Variants in NECAB1 observed in about 807,000 individuals in gnomAD.
NECAB1 encodes the protein N-terminal EF-hand calcium-binding protein 1.
Under a neutral mutation model 57.5 loss-of-function variants are expected in NECAB1, and 29 were observed. The ratio of observed to expected loss-of-function variants is 0.50; its 90% CI spans 0.38 to 0.69. NECAB1 has a LOEUF of 0.69. Among genes scored for constraint, NECAB1 ranks in the 30% least tolerant of loss-of-function variants. The pLI is 0.00. For missense variants in NECAB1, 372 were observed against 413.8 expected, an observed-to-expected ratio of 0.90 and a Z score of 0.88; for synonymous variants, 142 against 147.7, an observed-to-expected ratio of 0.96 and a Z score of 0.28.
chr8:90,890,293 G>T (rs897669867), intron 5 of NECAB1, among the ~76,000 whole-genome samples: 3 of 152,124 alleles, frequency 2.0e-5, no homozygotes, highest in African/African-American at 7.2e-5. Context: ...GGTTTTATAA[G>T]CATCTGGCAT....
intron 3 of NECAB1, among the ~76,000 whole-genome samples, chr8:90,825,980 A>G (rs1416718692): frequency 2.0e-5 from 3 of 151,856 alleles, no homozygotes; most frequent in Non-Finnish European, 2.9e-5. Flanking sequence ...TAAATGCTGT[A>G]ATTGAGCTAT....
chr8:90,929,337 T>C (rs558406235), intron 8 of NECAB1, among the ~76,000 whole-genome samples: 1 of 152,322 alleles, frequency 6.6e-6, no homozygotes, highest in Admixed American at 6.5e-5. Flanking sequence ...AAAAATTTTA[T>C]TGCAAACAAT....
intron 5 of NECAB1, among the ~76,000 whole-genome samples, chr8:90,889,956 TGTGA>T (rs1202731158): frequency 2.7e-5 from 3 of 110,948 alleles, no homozygotes; most frequent in Admixed American, 1.9e-4. Flanking sequence ...ACTGTGTGTG[TGTGA>T]GTGTGTGTGT....
At chr8:90,811,635 G>A (rs576442984) in intron 2 of NECAB1, among the ~76,000 whole-genome samples, 1 of 152,242 alleles carries the variant, frequency 6.6e-6, no homozygotes, top group African/African-American at 2.4e-5. Flanking sequence ...GTAAAGCTTT[G>A]AGTACAGCTT....
In NECAB1 at chr8:90,901,255, T is replaced by C. The variant is rs374981430; in HGVS notation, c.358-16237T>C. On this transcript the variant is annotated intron_variant, in intron 5 of 12. Transcript: ENST00000417640. The stretch of plus-strand genomic sequence containing the variant: ...TCTGTTAAAAAAAAAAAAAAAATGG[T>C]GTTTATAAATTATGCTGCCTTTTTG... Among the ~76,000 whole-genome samples, 418 of 147,778 alleles carry C rather than the reference T, an allele frequency of 2.8e-3. 5 individuals are homozygous for C. Among genetic ancestry groups the C allele is most frequent in the African/African-American group, 0.01 (398 of 39,436 alleles).
chr8:90,957,678 AAAAAAAGAAAAAGAAAAAG>A lies in NECAB1; in HGVS notation c.*2179_*2197del, dbSNP rs1258812014. The A allele has an allele frequency of 2.0e-5, 3 of 150,666 alleles. No individual in the cohort carries two copies. Among genetic ancestry groups the A allele is most frequent in the Admixed American group, 2.0e-4 (3 of 15,106 alleles). The allele number at this position is 150,666 out of a possible 1,614,324, so 9.3% of individuals were successfully genotyped here. A position where few individuals can be genotyped will look rare whatever the true frequency, so the allele number is the denominator to read the frequency against. On this transcript the variant is annotated 3_prime_UTR_variant, in exon 13 of 13. Coordinates refer to ENST00000417640, the MANE Select transcript of NECAB1 (RefSeq NM_022351.5). ...GAAAAGGAAACTAGTAGGGCCAAAA[AAAAAAAGAAAAAGAAAAAG>A]AAAAAAGAAAAAAAAAGAAAAAACT...
chr8:90,949,777 G>GCTAATTATGC, intron 10 of NECAB1, 30 bp from the exon 11 acceptor site: 1 of 1,338,220 alleles, frequency 7.5e-7, no homozygotes, highest in Non-Finnish European at 1.1e-6. Flanking sequence ...ATTTCCAGTA[G>GCTAATTATGC]CTAATTATGC....
At chr8:90,847,689 T>C (rs531162501) in intron 3 of NECAB1, among the ~76,000 whole-genome samples, 2 of 152,312 alleles carry the variant, frequency 1.3e-5, no homozygotes, top group South Asian at 2.1e-4. Context: ...GTTCTTGACT[T>C]CTCTGCACCC....
At chr8:90,834,364 G>C (rs1812336594) in intron 3 of NECAB1, among the ~76,000 whole-genome samples, 1 of 152,096 alleles carries the variant, frequency 6.6e-6, no homozygotes, top group Admixed American at 6.5e-5. Flanking sequence ...TATCCACAGT[G>C]ATAGTATTAA....
intron 2 of NECAB1, among the ~76,000 whole-genome samples, chr8:90,802,655 G>A (rs80158684): frequency 0.014 from 2,053 of 152,070 alleles, 71 homozygotes; most frequent in East Asian, 0.11. Flanking sequence ...ACCCTTATGC[G>A]GGCAGATCAA....
intron 1 of NECAB1, among the ~76,000 whole-genome samples, chr8:90,793,447 A>G (rs1255671261): frequency 6.6e-6 from 1 of 152,102 alleles, no homozygotes; most frequent in Non-Finnish European, 1.5e-5. Context: ...GTGGTTAAGT[A>G]CCTTATCCTT....
At chr8:90,901,899 TTGTG>T (rs148389383) in intron 5 of NECAB1, among the ~76,000 whole-genome samples, 2 of 149,404 alleles carry the variant, frequency 1.3e-5, no homozygotes, top group African/African-American at 2.4e-5. Context: ...CTCTCTGTAT[TTGTG>T]TGTGTGTGTG....
At chr8:90,877,653 T>C (rs1332449444) in intron 4 of NECAB1, among the ~76,000 whole-genome samples, 3 of 152,212 alleles carry the variant, frequency 2.0e-5, no homozygotes, top group Non-Finnish European at 4.4e-5. Flanking sequence ...AAACTAATGC[T>C]GCTGGTCCAC....
At position 90,958,811 on chromosome 8, in the gene NECAB1, G is replaced by A; in HGVS notation, c.*3299G>A. 1 of 427,522 alleles carries A rather than the reference G, an allele frequency of 2.3e-6. No individual in the cohort carries two copies. The highest frequency in any genetic ancestry group is 4.1e-6 in the Non-Finnish European group (1 of 242,254). The allele number at this position is 427,522 out of a possible 1,614,324, so 26.5% of individuals were successfully genotyped here. On this transcript the variant is annotated 3_prime_UTR_variant, in exon 13 of 13. Coordinates refer to ENST00000417640, the MANE Select transcript of NECAB1 (RefSeq NM_022351.5). ...CAGTGTTACTTCCCAATTTATGCAG[G>A]AAACCTCCTGCAAAGCTGAAACTGA...
intron 3 of NECAB1, 25 bp from the exon 4 acceptor site, chr8:90,872,101 CTG>C (rs1225799753): frequency 4.6e-6 from 7 of 1,526,652 alleles, no homozygotes; most frequent in Admixed American, 4.1e-5. Context: ...AGTAATAACA[CTG>C]TTTTTTTTTG....
chr8:90,925,357 T>A (rs1810238732), intron 6 of NECAB1, among the ~76,000 whole-genome samples, 178 bp from the exon 7 acceptor site: 1 of 152,226 alleles, frequency 6.6e-6, no homozygotes, highest in African/African-American at 2.4e-5. Flanking sequence ...TTTCTTAGGT[T>A]CACATACTGT....
At chr8:90,905,207 T>C (rs368013170) in intron 5 of NECAB1, among the ~76,000 whole-genome samples, 9 of 152,130 alleles carry the variant, frequency 5.9e-5, no homozygotes, top group Admixed American at 5.2e-4. Flanking sequence ...TAAGGAAAAA[T>C]TAGAATACAT....
At chr8:90,832,918 G>A (rs1812315957) in intron 3 of NECAB1, among the ~76,000 whole-genome samples, 1 of 151,872 alleles carries the variant, frequency 6.6e-6, no homozygotes, top group African/African-American at 2.4e-5. Flanking sequence ...AATATTCCAA[G>A]GCAATTTTTA....
In NECAB1 at chr8:90,955,840, T is replaced by C. The variant is rs7812982; in HGVS notation, c.*328T>C. On this transcript the variant is annotated 3_prime_UTR_variant, in exon 13 of 13. Coordinates refer to ENST00000417640, the MANE Select transcript of NECAB1 (RefSeq NM_022351.5). ...TAATATTGTGAAAATGAATCTGTTATGATAAAGAAAAAATAAAGTGGAAAC... is the reference window on the plus strand; with the variant it reads ...TAATATTGTGAAAATGAATCTGTTACGATAAAGAAAAAATAAAGTGGAAAC... The C allele has an allele frequency of 4.9e-3, 1,084 of 223,266 alleles. 8 individuals carry two copies. The highest frequency in any genetic ancestry group is 0.022 in the African/African-American group (986 of 43,922). The allele number at this position is 223,266 out of a possible 1,614,324, so 13.8% of individuals were successfully genotyped here. A position where few individuals can be genotyped will look rare whatever the true frequency, so the allele number is the denominator to read the frequency against.
Sources: gnomAD v4.1 joint callset for allele counts (sites outside exome capture counted in the v4.1 genomes callset) on GRCh38, gnomAD v4.1.1 for gene constraint, MANE v1.5 for transcripts, NCBI Gene and HGNC (gene_info 2026-07-23, HGNC 2026-07-21) for gene names.